The following TENM3 variants were observed in gnomAD, a reference collection of about 807,000 sequenced individuals.
TENM3 encodes teneurin-3.
In TENM3, 63 loss-of-function variants were observed where a neutral mutation model predicts 255.1. The observed-to-expected ratio is 0.25, with a 90% confidence interval of 0.20 to 0.30. TENM3 has a LOEUF of 0.30. Among genes scored for constraint, TENM3 ranks in the 10% least tolerant of loss-of-function variants. The pLI is 1.00. For missense variants in TENM3, 2,929 were observed against 3,461.1 expected, an observed-to-expected ratio of 0.85 and a Z score of 3.86; for synonymous variants, 1,306 against 1,322.3, an observed-to-expected ratio of 0.99 and a Z score of 0.27.
the TENM3 span, among the ~76,000 whole-genome samples, chr4:181,474,269 C>A: frequency 6.6e-6 from 1 of 151,414 alleles, no homozygotes; most frequent in Admixed American, 6.6e-5. Flanking sequence ...ACCTATGTAA[C>A]AAAACTGCAT....
rs1758501869 is a variant in TENM3 at position 182,257,698 on chromosome 4, G to T, written c.-76+14222G>T. ...CAAAAGGAGCCATGGGATTACCTGG[G>T]GGTGTTATGTAAGAGCAGCCCTTTG... On this transcript the variant is annotated intron_variant, in intron 1 of 27. Transcript: ENST00000511685. Among the ~76,000 whole-genome samples the T allele has an allele frequency of 3.9e-5, 6 of 152,256 alleles. No homozygotes were observed. The South Asian group carries it at 1.2e-3, about 32-fold the overall frequency.
At chr4:182,093,993 G>T in the TENM3 span, among the ~76,000 whole-genome samples, 2,256 of 152,244 alleles carry the variant, frequency 0.015, 40 homozygotes, top group Non-Finnish European at 0.019. Context: ...AATAGAGGAA[G>T]GAACCTACAG....
intron 1 of TENM3, among the ~76,000 whole-genome samples, chr4:182,206,244 C>G (rs1217326760): frequency 6.6e-6 from 1 of 152,168 alleles, no homozygotes; most frequent in African/African-American, 2.4e-5. Context: ...TCCTCATGCC[C>G]AGGCTATTGA....
At chr4:181,983,991 T>C in the TENM3 span, among the ~76,000 whole-genome samples, 7 of 152,128 alleles carry the variant, frequency 4.6e-5, no homozygotes, top group African/African-American at 1.7e-4. Context: ...AGTATCAGTT[T>C]TGGCATGGAT....
rs140526569 is a variant in TENM3, at chr4:182,511,953, T to C, written c.512-88971T>C. Among the ~76,000 whole-genome samples, 36 of 152,270 alleles carry C rather than the reference T, an allele frequency of 2.4e-4. No individual in the cohort carries two copies. The East Asian group carries it at 4.6e-3, about 20-fold the overall frequency. ...AAGAATAAACTAGACTATTAGAAAA[T>C]GACACTAATTAGATTTAGGTAACTA... is the stretch of plus-strand genomic sequence containing the variant. On this transcript the variant is annotated intron_variant, in intron 3 of 27. Coordinates refer to ENST00000511685, the MANE Select transcript of TENM3 (RefSeq NM_001080477.4).
intron 1 of TENM3, among the ~76,000 whole-genome samples, chr4:182,199,447 T>G (rs1337953804): frequency 6.6e-5 from 10 of 152,012 alleles, no homozygotes; most frequent in Non-Finnish European, 1.0e-4. Flanking sequence ...GAAGAAACAT[T>G]GCCTATTGCC....
the TENM3 span, among the ~76,000 whole-genome samples, chr4:181,772,781 A>G: frequency 1.3e-5 from 2 of 152,216 alleles, no homozygotes; most frequent in African/African-American, 4.8e-5. Context: ...TTGTTTTTCA[A>G]GATGGGCATA....
intron 1 of TENM3, among the ~76,000 whole-genome samples, chr4:182,237,079 C>A (rs13149956): frequency 3.9e-5 from 6 of 151,956 alleles, no homozygotes; most frequent in Non-Finnish European, 8.8e-5. Context: ...TCAGCTCCCC[C>A]TTATAAGTGA....
chr4:182,801,213 A>G lies in TENM3; in HGVS notation c.*862A>G, dbSNP rs1011077345. The G allele has an allele frequency of 6.6e-6, 1 of 152,652 alleles. No individual in the cohort carries two copies. The highest frequency in any genetic ancestry group is 1.5e-5 in the Non-Finnish European group (1 of 68,042). 9.5% of individuals were successfully genotyped at this position (152,652 alleles called of 1,614,324 possible). On this transcript the variant is annotated 3_prime_UTR_variant, in exon 28 of 28. Transcript: ENST00000511685. ...TGAATTATTATATTGTAGAGATATA[A>G]CAACTTATGCCTATAATGTCCAGAA... is the stretch of plus-strand genomic sequence containing the variant.
intron 3 of TENM3, among the ~76,000 whole-genome samples, chr4:182,549,450 C>T (rs1741789252): frequency 3.3e-5 from 5 of 151,774 alleles, no homozygotes; most frequent in Admixed American, 3.3e-4. Flanking sequence ...TCCAGCCCAT[C>T]TGATCGGATT....
At chr4:182,121,084 C>T in the TENM3 span, among the ~76,000 whole-genome samples, 11 of 152,164 alleles carry the variant, frequency 7.2e-5, no homozygotes, top group Non-Finnish European at 1.5e-4. Flanking sequence ...CTGCAACCTC[C>T]GCCCTCCGGG....
chr4:182,800,339 C>G lies in TENM3; in HGVS notation c.8088C>G (p.Ile2696Met). 6.3e-7 allele frequency: 1 copy of G among 1,579,870 alleles called. No individual in the cohort carries two copies. Among genetic ancestry groups the G allele is most frequent in the East Asian group, 2.3e-5 (1 of 43,634 alleles). ...NNIQFLRQSEIGRR is the reference protein window; with the variant it reads ...NNIQFLRQSEMGRR ...TCCAGTTCCTGCGGCAGAGCGAGAT[C>G]GGCAGGAGGTAACGCCCGGGCCGCG... is the stretch of plus-strand genomic sequence containing the variant. The change falls in exon 28 of 28, where the codon ATC (isoleucine) becomes ATG (methionine). Residue 2696 changes from isoleucine (I) to methionine (M), a missense_variant. Ile to Met is a conservative substitution (Grantham distance 10). Around this residue, in one of 6 missense-constraint regions of TENM3, gnomAD observed 476 missense variants for 480.1 expected, o/e 0.99. Coordinates refer to ENST00000511685, the MANE Select transcript of TENM3 (RefSeq NM_001080477.4).
At chr4:182,484,989 A>C (rs1734560144) in intron 3 of TENM3, among the ~76,000 whole-genome samples, 2 of 152,174 alleles carry the variant, frequency 1.3e-5, no homozygotes, top group South Asian at 4.1e-4. Context: ...AGAAAGATAC[A>C]TAGTACCTTT....
intron 4 of TENM3, among the ~76,000 whole-genome samples, chr4:182,627,866 T>C (rs578015844): frequency 6.6e-6 from 1 of 152,262 alleles, no homozygotes; most frequent in African/African-American, 2.4e-5. Context: ...ATACAACTTT[T>C]AGAGACAGTT....
the TENM3 span, among the ~76,000 whole-genome samples, chr4:181,546,571 G>C: frequency 7.6e-6 from 1 of 131,942 alleles, no homozygotes; most frequent in Non-Finnish European, 1.6e-5. Flanking sequence ...AAAATTAGCC[G>C]GGCGTGGTGG....
the TENM3 span, among the ~76,000 whole-genome samples, chr4:181,638,724 G>A: frequency 6.6e-6 from 1 of 152,036 alleles, no homozygotes; most frequent in Non-Finnish European, 1.5e-5. Context: ...TTGAGATGGT[G>A]GGTTTTTTTA....
chr4:181,585,592 T>C, the TENM3 span, among the ~76,000 whole-genome samples: 1 of 152,336 alleles, frequency 6.6e-6, no homozygotes, highest in Non-Finnish European at 1.5e-5. Flanking sequence ...ATTTCTTTTC[T>C]TTTTAAAATT....
the TENM3 span, among the ~76,000 whole-genome samples, chr4:182,078,294 C>A: frequency 6.7e-4 from 102 of 152,014 alleles, 1 homozygote; most frequent in Non-Finnish European, 2.9e-5. Flanking sequence ...GAGGCTGAGG[C>A]GGCTGGATCA....
chr4:182,035,325 C>T, the TENM3 span, among the ~76,000 whole-genome samples: 1 of 152,110 alleles, frequency 6.6e-6, no homozygotes, highest in African/African-American at 2.4e-5. Context: ...TTAAAAATAC[C>T]AGCAGGATAA....
Sources: allele counts gnomAD v4.1 joint callset (sites outside exome capture counted in the v4.1 genomes callset), GRCh38; gene constraint gnomAD v4.1.1; regional missense constraint gnomAD v4.1.1; transcripts MANE v1.5; gene names NCBI Gene and HGNC (gene_info 2026-07-23, HGNC 2026-07-21).